Variants in OLA1 observed in about 807,000 individuals in gnomAD.
The protein encoded by OLA1 is obg-like ATPase 1.
A neutral mutation model predicts 48.4 loss-of-function variants in OLA1; 14 were observed. The observed-to-expected ratio is 0.29, with a 90% CI of 0.19 to 0.45. The LOEUF is 0.45. OLA1 is among the 20% of genes least tolerant of loss of function. The pLI is 1.00. For synonymous variants in OLA1, 127 were observed against 150.4 expected (o/e 0.84, Z 1.14); for missense variants, 325 against 467.1 (o/e 0.70, Z 2.80).
intron 7 of OLA1, among the ~76,000 whole-genome samples, chr2:174,097,917 A>G (rs1260514543): frequency 1.3e-5 from 2 of 152,112 alleles, no homozygotes; most frequent in East Asian, 3.9e-4. Flanking sequence ...CATTTATCCA[A>G]ATCGTCTCAC....
At chr2:174,234,673 A>G (rs1451660156) in intron 2 of OLA1, among the ~76,000 whole-genome samples, 1 of 152,138 alleles carries the variant, frequency 6.6e-6, no homozygotes, top group Non-Finnish European at 1.5e-5. Context: ...CCTGTTGCAC[A>G]GGCTGGTCTT....
intron 4 of OLA1, among the ~76,000 whole-genome samples, chr2:174,143,998 G>T (rs1222023719): frequency 6.6e-6 from 1 of 151,910 alleles, no homozygotes; most frequent in Non-Finnish European, 1.5e-5. Flanking sequence ...TGGCTACTGG[G>T]GAGGCTAAGG....
intron 4 of OLA1, among the ~76,000 whole-genome samples, chr2:174,144,943 AAAAAAAAAATATATATATATATAT>A (rs1271490348): frequency 1.4e-5 from 1 of 69,944 alleles, no homozygotes; most frequent in Non-Finnish European, 2.8e-5. Context: ...AAAAAAAAAA[AAAAAAAAAATATATATATATATAT>A]ATATATATAT....
chr2:174,078,118 C>T lies in OLA1; in HGVS notation c.1089+850G>A, dbSNP rs79045840. Among the ~76,000 whole-genome samples the T allele has an allele frequency of 7.7e-3, 1,169 of 152,038 alleles. 12 individuals carry two copies. The highest frequency in any genetic ancestry group is 0.027 in the African/African-American group (1,131 of 41,544). ...TTAAAGTCCTGCTGTTCGGTATGAC[C>T]TTTCCAATGATACCAGTGAAAATAA... On this transcript the variant is annotated intron_variant, in intron 10 of 10. Transcript: ENST00000284719.
At chr2:174,164,229 T>C (rs977491954) in intron 4 of OLA1, among the ~76,000 whole-genome samples, 1 of 149,154 alleles carries the variant, frequency 6.7e-6, no homozygotes, top group African/African-American at 2.5e-5. Flanking sequence ...TCGGGTATTT[T>C]CTTCATAGCA....
At chr2:174,217,962 G>C (rs1688405750) in intron 4 of OLA1, 1 of 151,992 alleles carries the variant, frequency 6.6e-6, no homozygotes, top group South Asian at 2.1e-4. Flanking sequence ...GCTTCACCTA[G>C]ACAGCAGATT....
chr2:174,238,023 C>T lies in OLA1; in HGVS notation c.102-8572G>A, dbSNP rs1688899611. On this transcript the variant is annotated intron_variant, in intron 2 of 10. Coordinates refer to ENST00000284719, the MANE Select transcript of OLA1 (RefSeq NM_013341.5). ...GTCATATATGCAGTCAGTCATTGAC[C>T]AACATCATTATGCAGCACTTGTCTG... Among the ~76,000 whole-genome samples, 3 of 152,096 alleles carry T rather than the reference C, an allele frequency of 2.0e-5. No individual in the cohort carries two copies. The South Asian group carries it at 6.2e-4, about 32-fold the overall frequency.
intron 4 of OLA1, among the ~76,000 whole-genome samples, chr2:174,205,019 T>C (rs1427243266): frequency 1.3e-5 from 2 of 152,314 alleles, no homozygotes; most frequent in East Asian, 1.9e-4. Context: ...ACCATAAGTA[T>C]ATAAACAGCA....
At chr2:174,086,847 G>A (rs1042711235) in intron 7 of OLA1, among the ~76,000 whole-genome samples, 2 of 152,022 alleles carry the variant, frequency 1.3e-5, no homozygotes, top group Non-Finnish European at 2.9e-5. Flanking sequence ...GGTTGACAGC[G>A]GGAACTGAAA....
intron 5 of OLA1, among the ~76,000 whole-genome samples, chr2:174,129,562 A>G (rs1020812105): frequency 6.6e-6 from 1 of 151,520 alleles, no homozygotes; most frequent in African/African-American, 2.4e-5. Context: ...TATATAATAT[A>G]TATAAATAGA....
At chr2:174,162,864 C>T (rs998125646) in intron 4 of OLA1, among the ~76,000 whole-genome samples, 1 of 151,466 alleles carries the variant, frequency 6.6e-6, no homozygotes, top group Non-Finnish European at 1.5e-5. Flanking sequence ...GGCAATGTGG[C>T]GAAACTCCTG....
chr2:174,083,778 C>T (rs928432911), intron 7 of OLA1, among the ~76,000 whole-genome samples: 1 of 151,886 alleles, frequency 6.6e-6, no homozygotes. Flanking sequence ...AGATCACATA[C>T]CAAATAGATT....
intron 7 of OLA1, among the ~76,000 whole-genome samples, chr2:174,093,178 A>G (rs1050587903): frequency 6.6e-6 from 1 of 152,094 alleles, no homozygotes; most frequent in Non-Finnish European, 1.5e-5. Context: ...GCTGGGTGCA[A>G]TGGCTCACGC....
chr2:174,244,680 G>A (rs956142929), intron 2 of OLA1, among the ~76,000 whole-genome samples: 1 of 151,718 alleles, frequency 6.6e-6, no homozygotes, highest in South Asian at 2.1e-4. Flanking sequence ...CTGGGGTGCA[G>A]TGGCGGGACC....
chr2:174,125,266 C>T (rs900273860), intron 5 of OLA1, among the ~76,000 whole-genome samples: 6 of 152,182 alleles, frequency 3.9e-5, no homozygotes, highest in African/African-American at 7.2e-5. Flanking sequence ...GTGCGTCACA[C>T]TGGCCACCTG....
At chr2:174,202,721 T>C (rs1688018322) in intron 4 of OLA1, among the ~76,000 whole-genome samples, 1 of 152,196 alleles carries the variant, frequency 6.6e-6, no homozygotes, top group Non-Finnish European at 1.5e-5. Context: ...ACAGATAATA[T>C]GAACTTATGG....
chr2:174,221,466 A>G (rs1688500632), intron 4 of OLA1, among the ~76,000 whole-genome samples: 1 of 152,136 alleles, frequency 6.6e-6, no homozygotes, highest in Non-Finnish European at 1.5e-5. Context: ...AAACCTTATC[A>G]GGGAATCAGA....
At chr2:174,228,834 G>A (rs1688667407) in intron 3 of OLA1, among the ~76,000 whole-genome samples, 2 of 152,066 alleles carry the variant, frequency 1.3e-5, no homozygotes, top group African/African-American at 4.8e-5. Flanking sequence ...TAATTGCAAT[G>A]TTAACAACTG....
intron 4 of OLA1, among the ~76,000 whole-genome samples, chr2:174,147,283 G>A (rs11694217): frequency 0.074 from 11,270 of 152,084 alleles, 613 homozygotes; most frequent in Admixed American, 0.16. Context: ...AAAACTAGCC[G>A]GGCATGGTGG....
Sources: allele counts gnomAD v4.1 joint callset (sites outside exome capture counted in the v4.1 genomes callset), GRCh38; gene constraint gnomAD v4.1.1; transcripts MANE v1.5; gene names NCBI Gene and HGNC (gene_info 2026-07-23, HGNC 2026-07-21).